TNKS: variants seen among roughly 807,000 people sequenced by gnomAD.
TNKS encodes the protein poly [ADP-ribose] polymerase tankyrase-1.
In TNKS, 72 loss-of-function variants were observed where a neutral mutation model predicts 135.8. That is an observed-to-expected ratio of 0.53 (90% CI 0.44 to 0.64). TNKS has a LOEUF of 0.64. TNKS is among the 30% of genes least tolerant of loss of function. The pLI is 0.00. For synonymous variants in TNKS, 849 were observed against 649.3 expected, an observed-to-expected ratio of 1.31 and a Z score of -4.68; for missense variants, 1,769 against 1,674.0, an observed-to-expected ratio of 1.06 and a Z score of -0.99.
At chr8:9,772,458 T>C in intron 26 of TNKS, 1 of 453,406 alleles carries the variant, frequency 2.2e-6, no homozygotes, top group South Asian at 1.6e-5. Flanking sequence ...GTTTTACTTT[T>C]TTTAATGTTG....
At chr8:9,742,521 C>T (rs948271177) in intron 17 of TNKS, among the ~76,000 whole-genome samples, 2 of 151,558 alleles carry the variant, frequency 1.3e-5, no homozygotes, top group East Asian at 3.9e-4. Flanking sequence ...AGTAACCAAT[C>T]AGTAACCATA....
intron 2 of TNKS, among the ~76,000 whole-genome samples, chr8:9,582,054 C>T (rs1447609993): frequency 2.0e-5 from 3 of 152,088 alleles, no homozygotes; most frequent in African/African-American, 4.8e-5. Context: ...AAACTATACT[C>T]AAAATATAAA....
chr8:9,762,593 A>G (rs1234048663), intron 21 of TNKS, among the ~76,000 whole-genome samples: 1 of 152,186 alleles, frequency 6.6e-6, no homozygotes, highest in Non-Finnish European at 1.5e-5. Flanking sequence ...AGTCTGTACA[A>G]GAAGCTCTGT....
chr8:9,648,869 C>A (rs1801020841), intron 3 of TNKS, among the ~76,000 whole-genome samples: 1 of 150,758 alleles, frequency 6.6e-6, no homozygotes, highest in Non-Finnish European at 1.5e-5. Context: ...ATTGCGATGA[C>A]AGAGGGGTCT....
In TNKS at chr8:9,667,815, C is replaced by G. The variant is rs35543903; in HGVS notation, c.995-12136C>G. On this transcript the variant is annotated intron_variant, in intron 3 of 26. Coordinates refer to ENST00000310430, the MANE Select transcript of TNKS (RefSeq NM_003747.3). The stretch of plus-strand genomic sequence containing the variant: ...GACTTTAGTGAAGTCTGATTAATAT[C>G]CTTTCTCATTTAAGCCCTTCTGGGT... Among the ~76,000 whole-genome samples, 5 of 147,850 alleles carry G rather than the reference C, an allele frequency of 3.4e-5. No individual in the cohort carries two copies. The East Asian group carries it at 9.8e-4, about 29-fold the overall frequency.
At chr8:9,755,795 G>C (rs1040604269) in intron 20 of TNKS, among the ~76,000 whole-genome samples, 1 of 152,210 alleles carries the variant, frequency 6.6e-6, no homozygotes, top group Non-Finnish European at 1.5e-5. Context: ...ATGGATGCCA[G>C]TGGGGTGTGG....
At position 9,555,945 on chromosome 8, in the gene TNKS, G is replaced by GGCGTC; in HGVS notation, c.14_18dup (p.Ser7ValfsTer59). 1 of 1,610,440 alleles carries GGCGTC rather than the reference G, an allele frequency of 6.2e-7. No homozygotes were observed. Among genetic ancestry groups the GGCGTC allele is most frequent in the Non-Finnish European group, 8.5e-7 (1 of 1,178,638 alleles). ...AGTGCTAGGGGAGTCCGAAGATGGC[G>GGCGTC]GCGTCGCGTCGCTCTCAGCATCATC... On this transcript the variant is annotated frameshift_variant, in exon 1 of 27. Coordinates refer to ENST00000310430, the MANE Select transcript of TNKS (RefSeq NM_003747.3). LOFTEE classifies it high-confidence loss of function.
chr8:9,627,126 A>G (rs1800087103), intron 3 of TNKS, among the ~76,000 whole-genome samples: 1 of 152,154 alleles, frequency 6.6e-6, no homozygotes, highest in South Asian at 2.1e-4. Context: ...ATGAAGACTC[A>G]CAGAGTTTGG....
intron 1 of TNKS, among the ~76,000 whole-genome samples, chr8:9,565,332 T>A (rs1176038590): frequency 2.6e-5 from 4 of 152,204 alleles, no homozygotes; most frequent in Non-Finnish European, 5.9e-5. Context: ...GTAAAATTTT[T>A]TCTCTATCCC....
chr8:9,608,879 A>T (rs954376524), intron 2 of TNKS, among the ~76,000 whole-genome samples: 2 of 152,192 alleles, frequency 1.3e-5, no homozygotes, highest in African/African-American at 4.8e-5. Flanking sequence ...TTACAACTGC[A>T]GCTGGCTACT....
At chr8:9,710,342 A>G in intron 11 of TNKS, 122 bp downstream of exon 11, 1 of 845,862 alleles carries the variant, frequency 1.2e-6, no homozygotes, top group Non-Finnish European at 1.9e-6. Context: ...ATTAGTTCGT[A>G]CTTAAATTCA....
At chr8:9,615,737 A>G in intron 3 of TNKS, 60 bp downstream of exon 3, 1 of 1,377,466 alleles carries the variant, frequency 7.3e-7, no homozygotes, top group East Asian at 2.5e-5. Context: ...TTGATTTTAT[A>G]AAATCTTGTT....
chr8:9,660,283 G>GA (rs1801632207), intron 3 of TNKS, among the ~76,000 whole-genome samples: 1 of 152,072 alleles, frequency 6.6e-6, no homozygotes. Flanking sequence ...AGACACAGCA[G>GA]AAAAAGAGAA....
At chr8:9,741,030 C>G (rs561942497) in intron 17 of TNKS, 1 of 152,200 alleles carries the variant, frequency 6.6e-6, no homozygotes, top group Non-Finnish European at 1.5e-5. Context: ...CCGAGATGAT[C>G]TCTATCTCCT....
At chr8:9,632,238 C>A (rs1800318620) in intron 3 of TNKS, among the ~76,000 whole-genome samples, 1 of 152,158 alleles carries the variant, frequency 6.6e-6, no homozygotes, top group Non-Finnish European at 1.5e-5. Flanking sequence ...TTTTATGAGT[C>A]ATATGTCATT....
At chr8:9,701,227 A>G (rs541488087) in intron 5 of TNKS, among the ~76,000 whole-genome samples, 16 of 152,310 alleles carry the variant, frequency 1.1e-4, no homozygotes, top group East Asian at 3.9e-4. Context: ...GTGAGCCACC[A>G]TGCCCGACCT....
intron 18 of TNKS, 69 bp downstream of exon 18, chr8:9,748,281 T>A: frequency 7.8e-7 from 1 of 1,286,186 alleles, no homozygotes; most frequent in Non-Finnish European, 1.0e-6. Flanking sequence ...ATTCTCGGGT[T>A]CACCAGCTTA....
chr8:9,666,910 A>G (rs188010448), intron 3 of TNKS, among the ~76,000 whole-genome samples: 179 of 152,260 alleles, frequency 1.2e-3, no homozygotes, highest in African/African-American at 4.2e-3. Flanking sequence ...TTTTCAGTGT[A>G]TAGAGGTATG....
At chr8:9,729,549 T>A (rs985626621) in intron 13 of TNKS, among the ~76,000 whole-genome samples, 1 of 152,188 alleles carries the variant, frequency 6.6e-6, no homozygotes, top group Non-Finnish European at 1.5e-5. Flanking sequence ...TAAGCGATGA[T>A]GCATGATGTA....
Sources: allele counts gnomAD v4.1 joint callset (sites outside exome capture counted in the v4.1 genomes callset), GRCh38; gene constraint gnomAD v4.1.1; transcripts MANE v1.5; gene names NCBI Gene and HGNC (gene_info 2026-07-23, HGNC 2026-07-21).